Variants in PIK3R6 observed in about 807,000 individuals in gnomAD.
The protein encoded by PIK3R6 is phosphoinositide 3-kinase regulatory subunit 6.
In PIK3R6, 91 loss-of-function variants were observed where a neutral mutation model predicts 84.9. That is an observed-to-expected ratio of 1.07 (90% confidence interval 0.90 to 1.28). The LOEUF (loss-of-function observed/expected upper bound fraction) is 1.28, where lower values mean the gene tolerates loss of function less well. PIK3R6 is among the 50% of genes most tolerant of loss of function. The probability of loss-of-function intolerance (pLI) is 0.00; values close to 1 mark genes in which losing one functional copy is unlikely to be tolerated. For missense variants in PIK3R6, 996 were observed against 985.1 expected (o/e 1.01, Z -0.15); for synonymous variants, 416 against 411.4 (o/e 1.01, Z -0.13).
intron 2 of PIK3R6, among the ~76,000 whole-genome samples, chr17:8,848,959 G>T (rs2088875533): frequency 6.6e-6 from 1 of 152,184 alleles, no homozygotes; most frequent in South Asian, 2.1e-4. Flanking sequence ...AGGGGAATTA[G>T]AGTCTCAGCG....
intron 2 of PIK3R6, among the ~76,000 whole-genome samples, chr17:8,849,315 T>C (rs960934088): frequency 6.6e-6 from 1 of 152,228 alleles, no homozygotes; most frequent in Non-Finnish European, 1.5e-5. Context: ...GTTCCACTCC[T>C]GATTTGACCA....
rs937930693 is a variant in PIK3R6, at chr17:8,830,555, C to G, written c.803-763G>C. Among the ~76,000 whole-genome samples the G allele has an allele frequency of 7.2e-5, 11 of 152,296 alleles. 1 individual carries two copies. In the South Asian group the frequency reaches 1.7e-3, roughly 23 times the overall value. ...GTGTTCACTGAGCACCTACTGCCTGCCAGGCCTTATTCTACTCACCTGGCA... is the reference window on the plus strand; with the variant it reads ...GTGTTCACTGAGCACCTACTGCCTGGCAGGCCTTATTCTACTCACCTGGCA... On this transcript the variant is annotated intron_variant, in intron 9 of 19. Coordinates refer to ENST00000619866, the MANE Select transcript of PIK3R6 (RefSeq NM_001010855.4).
At chr17:8,804,495 G>A (rs1021174111) in intron 18 of PIK3R6, among the ~76,000 whole-genome samples, 1 of 152,170 alleles carries the variant, frequency 6.6e-6, no homozygotes, top group South Asian at 2.1e-4. Context: ...TATGACAGAC[G>A]TGTTAATGTA....
intron 13 of PIK3R6, 150 bp from the exon 14 acceptor site, chr17:8,823,647 C>T (rs2087820243): frequency 1.6e-6 from 1 of 627,472 alleles, no homozygotes; most frequent in African/African-American, 1.8e-5. Flanking sequence ...TTTCCTACCA[C>T]TGAATTTCCA....
intron 13 of PIK3R6, among the ~76,000 whole-genome samples, chr17:8,826,935 G>T (rs1029396619): frequency 3.9e-5 from 6 of 152,130 alleles, no homozygotes; most frequent in African/African-American, 1.4e-4. Flanking sequence ...GTACGAGCCT[G>T]GTAAGTGTCC....
At chr17:8,835,968 C>T (rs2088445587) in intron 7 of PIK3R6, among the ~76,000 whole-genome samples, 1 of 152,164 alleles carries the variant, frequency 6.6e-6, no homozygotes, top group African/African-American at 2.4e-5. Context: ...ATGAACTCAG[C>T]ACCTCACACC....
intron 1 of PIK3R6, among the ~76,000 whole-genome samples, chr17:8,866,597 TC>T (rs902558393): frequency 4.6e-5 from 7 of 152,012 alleles, no homozygotes; most frequent in South Asian, 4.1e-4. Context: ...CTAGCTGTGC[TC>T]CCCCCAACAC....
chr17:8,828,513 C>T (rs2088028786), intron 11 of PIK3R6, 54 bp downstream of exon 11: 1 of 1,574,524 alleles, frequency 6.4e-7, no homozygotes, highest in Non-Finnish European at 8.6e-7. Context: ...CCACGCCAGG[C>T]CCACCTGTGC....
intron 5 of PIK3R6, among the ~76,000 whole-genome samples, chr17:8,837,462 T>C (rs2088516600): frequency 6.6e-6 from 1 of 152,144 alleles, no homozygotes; most frequent in South Asian, 2.1e-4. Context: ...TCCCACCCGC[T>C]GCAACAACAC....
intron 2 of PIK3R6, among the ~76,000 whole-genome samples, chr17:8,847,897 T>C (rs951634348): frequency 6.6e-6 from 1 of 152,160 alleles, no homozygotes; most frequent in African/African-American, 2.4e-5. Flanking sequence ...CTGGGAATCA[T>C]CTGCCACACC....
At position 8,828,890 on chromosome 17, in the gene PIK3R6, C is replaced by G. The variant is rs757550867; in HGVS notation, c.990G>C (p.Leu330Phe). The change falls in exon 11 of 20, where the codon TTG becomes TTC. Residue 330 changes from leucine to phenylalanine, a missense_variant. Physicochemically the swap from Leu to Phe is conservative, Grantham distance 22. Transcript: ENST00000619866. ...CAGTGGACAGCACAGAAACCCGGGCCAACTCCCGGTCCGGCCGGAGGCCCT... is the reference window on the plus strand; with the variant it reads ...CAGTGGACAGCACAGAAACCCGGGCGAACTCCCGGTCCGGCCGGAGGCCCT... Reference protein sequence around the residue: ...DLQGLRPDRELARVSVLSTDS... With the variant: ...DLQGLRPDREFARVSVLSTDS... 48 of 1,573,168 alleles carry G rather than the reference C, an allele frequency of 3.1e-5. No homozygotes were observed. In the South Asian group the frequency reaches 3.5e-4, roughly 11 times the overall value.
intron 1 of PIK3R6, among the ~76,000 whole-genome samples, chr17:8,864,758 C>T (rs929282990): frequency 6.6e-5 from 10 of 152,036 alleles, no homozygotes; most frequent in Admixed American, 3.9e-4. Context: ...AGGATGGTCT[C>T]GATCTCTTGA....
At position 8,855,051 on chromosome 17, in the gene PIK3R6, G is replaced by T. The variant is rs2089089098; in HGVS notation, c.-91-5166C>A. On this transcript the variant is annotated intron_variant, in intron 1 of 19. Transcript: ENST00000619866. Reference sequence around the variant, plus strand: ...CTACTAAAAATACAAACATTAGTTGGCTGTGGTGGCTCATGCCTGTAATCC... The same window carrying T: ...CTACTAAAAATACAAACATTAGTTGTCTGTGGTGGCTCATGCCTGTAATCC... 3.3e-5 allele frequency among the ~76,000 whole-genome samples: 5 copies of T among 152,202 alleles called. No homozygotes were observed. In the South Asian group the frequency reaches 8.3e-4, roughly 25 times the overall value.
intron 1 of PIK3R6, among the ~76,000 whole-genome samples, chr17:8,857,341 C>T (rs751646858): frequency 1.3e-5 from 2 of 152,292 alleles, no homozygotes; most frequent in South Asian, 2.1e-4. Flanking sequence ...CCAAAAGCCA[C>T]GTGGCCATGA....
chr17:8,835,643 G>A (rs1307713313), intron 7 of PIK3R6, among the ~76,000 whole-genome samples, 187 bp from the exon 8 acceptor site: 1 of 152,158 alleles, frequency 6.6e-6, no homozygotes, highest in Non-Finnish European at 1.5e-5. Context: ...TGGCAAATAA[G>A]AGCATGCACA....
At position 8,816,320 on chromosome 17, in the gene PIK3R6, T is replaced by C. The variant is rs1484158557; in HGVS notation, c.1995+2763A>G. Among the ~76,000 whole-genome samples, 4 of 152,284 alleles carry C rather than the reference T, an allele frequency of 2.6e-5. No homozygotes were observed. In the East Asian group the frequency reaches 5.8e-4, roughly 22 times the overall value. ...CATTTTAACATCTCTAATTAGGGAG[T>C]ATTTTGCAACCAATGTGATAAGAGA... On this transcript the variant is annotated intron_variant, in intron 18 of 19. Transcript: ENST00000619866.
chr17:8,852,009 T>C (rs1348199700), intron 1 of PIK3R6, among the ~76,000 whole-genome samples: 2 of 152,220 alleles, frequency 1.3e-5, no homozygotes, highest in Non-Finnish European at 2.9e-5. Flanking sequence ...CTGAGTGAAG[T>C]AAGTCAGTCA....
rs2151288452 is a variant in PIK3R6, at chr17:8,844,934, T to C, written c.13+4848A>G. Among the ~76,000 whole-genome samples the C allele has an allele frequency of 6.6e-6, 1 of 152,344 alleles. No homozygotes were observed. Among genetic ancestry groups the C allele is most frequent in the Middle Eastern group, 3.4e-3 (1 of 294 alleles). ...TGAGAACATGCAGTATTTGGCTTTC[T>C]GTTCCTACATTAATTTGCTTAGTGT... On this transcript the variant is annotated intron_variant, in intron 2 of 19. Coordinates refer to ENST00000619866, the MANE Select transcript of PIK3R6 (RefSeq NM_001010855.4). This position sits in a 1 kb window ranked among gnomAD's most constrained non-coding sequence, Gnocchi z 4.5.
chr17:8,829,643 C>T, intron 10 of PIK3R6, 63 bp downstream of exon 10: 2 of 1,466,740 alleles, frequency 1.4e-6, no homozygotes, highest in East Asian at 2.5e-5. Context: ...CACACTCATG[C>T]ACGCATACAC....
Sources: allele counts gnomAD v4.1 joint callset (sites outside exome capture counted in the v4.1 genomes callset), GRCh38; gene constraint gnomAD v4.1.1; non-coding constraint Gnocchi (gnomAD v3.1); transcripts MANE v1.5; gene names NCBI Gene and HGNC (gene_info 2026-07-23, HGNC 2026-07-21).